PPP3CA: variants seen among roughly 807,000 people sequenced by gnomAD.
PPP3CA encodes the protein CAM-PRP catalytic subunit.
Under a neutral mutation model 66.5 loss-of-function variants are expected in PPP3CA, and 14 were observed. That is an observed-to-expected ratio of 0.21 (90% CI 0.14 to 0.33). The LOEUF (loss-of-function observed/expected upper bound fraction) is 0.33. Among genes scored for constraint, PPP3CA ranks in the 10% least tolerant of loss-of-function variants. The pLI is 1.00. For missense variants in PPP3CA, 317 were observed against 639.5 expected, an observed-to-expected ratio of 0.50 and a Z score of 5.44; for synonymous variants, 232 against 226.2, an observed-to-expected ratio of 1.03 and a Z score of -0.23.
intron 1 of PPP3CA, among the ~76,000 whole-genome samples, chr4:101,310,355 T>C (rs999578255): frequency 1.3e-5 from 2 of 152,186 alleles, no homozygotes; most frequent in African/African-American, 4.8e-5. Flanking sequence ...AAAAGAGTGA[T>C]ACTTGTATCT....
intron 1 of PPP3CA, among the ~76,000 whole-genome samples, chr4:101,247,093 T>C (rs1245573187): frequency 6.6e-6 from 1 of 152,136 alleles, no homozygotes; most frequent in East Asian, 1.9e-4. Context: ...TCCCTCAACA[T>C]AAAGTCTTTT....
chr4:101,080,653 A>G, intron 7 of PPP3CA, 27 bp from the exon 8 acceptor site: 1 of 1,334,786 alleles, frequency 7.5e-7, no homozygotes, highest in Non-Finnish European at 1.0e-6. Context: ...CAGTCAAAAC[A>G]AAGCTTGTAT....
At chr4:101,288,424 T>C (rs952829329) in intron 1 of PPP3CA, among the ~76,000 whole-genome samples, 10 of 152,056 alleles carry the variant, frequency 6.6e-5, no homozygotes, top group African/African-American at 2.4e-4. Context: ...GGAATACTAA[T>C]GTGGAATTAA....
intron 1 of PPP3CA, among the ~76,000 whole-genome samples, chr4:101,217,770 T>G (rs1725500239): frequency 6.6e-6 from 1 of 152,072 alleles, no homozygotes; most frequent in Non-Finnish European, 1.5e-5. Flanking sequence ...GGAACATATT[T>G]AAATCACGAA....
At chr4:101,093,684 T>C (rs1026049207) in intron 6 of PPP3CA, 92 bp downstream of exon 6, 2 of 1,272,750 alleles carry the variant, frequency 1.6e-6, no homozygotes, top group African/African-American at 1.5e-5. Context: ...AAAGAAGTAA[T>C]ACAAACATTA....
chr4:101,106,455 GA>G lies in PPP3CA; in HGVS notation c.384+2498del, dbSNP rs778496735. Reference sequence around the variant, plus strand: ...AAAGAAAGAAAGAAAGAAAGAAAGAGAAAAGAAAAGAAAAGAAAAGAAAAGA... The same window carrying G: ...AAAGAAAGAAAGAAAGAAAGAAAGAGAAAGAAAAGAAAAGAAAAGAAAAGA... On this transcript the variant is annotated intron_variant, in intron 3 of 13. Transcript: ENST00000394854. Among the ~76,000 whole-genome samples, 8 of 11,548 alleles carry G rather than the reference GA, an allele frequency of 6.9e-4. 2 individuals carry two copies. Among genetic ancestry groups the G allele is most frequent in the African/African-American group, 2.2e-3 (8 of 3,598 alleles). 7.6% of individuals were successfully genotyped at this position (11,548 alleles called of 152,430 possible).
chr4:101,227,430 G>A (rs1164323639), intron 1 of PPP3CA, among the ~76,000 whole-genome samples: 1 of 151,744 alleles, frequency 6.6e-6, no homozygotes, highest in East Asian at 1.9e-4. Flanking sequence ...TACAGGAGTT[G>A]AAAAGGAAAT....
intron 2 of PPP3CA, among the ~76,000 whole-genome samples, chr4:101,193,709 G>A (rs1724691459): frequency 1.3e-5 from 2 of 152,038 alleles, no homozygotes; most frequent in Admixed American, 6.6e-5. Flanking sequence ...GAATTTTTAG[G>A]GGAAAAAAAT....
At chr4:101,332,984 T>C (rs1161268248) in intron 1 of PPP3CA, among the ~76,000 whole-genome samples, 3 of 152,156 alleles carry the variant, frequency 2.0e-5, no homozygotes, top group Non-Finnish European at 4.4e-5. Context: ...AAAGACAGCT[T>C]AACTAGCTTA....
intron 2 of PPP3CA, among the ~76,000 whole-genome samples, chr4:101,116,313 C>T (rs1250169481): frequency 6.6e-6 from 1 of 151,824 alleles, no homozygotes; most frequent in Admixed American, 6.6e-5. Flanking sequence ...AGCCACAGTT[C>T]CCCAAGACAA....
chr4:101,200,788 A>G (rs184287711), intron 1 of PPP3CA, among the ~76,000 whole-genome samples: 37 of 152,296 alleles, frequency 2.4e-4, no homozygotes, highest in African/African-American at 8.7e-4. Context: ...ATACTAAATA[A>G]AAGGAAGTGA....
At chr4:101,151,743 G>A (rs545997244) in intron 2 of PPP3CA, among the ~76,000 whole-genome samples, 1 of 123,660 alleles carries the variant, frequency 8.1e-6, no homozygotes, top group African/African-American at 3.1e-5. Context: ...TGCAACCTCC[G>A]CCTTCCGGGT....
intron 1 of PPP3CA, among the ~76,000 whole-genome samples, chr4:101,207,548 G>A (rs1482086441): frequency 2.0e-5 from 3 of 152,132 alleles, no homozygotes; most frequent in Admixed American, 6.5e-5. Flanking sequence ...TAAAAACTAG[G>A]CTGGGCACAG....
rs979671295 is a variant in PPP3CA, at chr4:101,090,899, T to C, written c.782+2877A>G. 5.5e-4 allele frequency among the ~76,000 whole-genome samples: 55 copies of C among 100,062 alleles called. 2 individuals carry two copies. Among genetic ancestry groups the C allele is most frequent in the Non-Finnish European group, 1.0e-3 (49 of 48,982 alleles). The allele number at this position is 100,062 out of a possible 152,430, so 65.6% of individuals were successfully genotyped here. On this transcript the variant is annotated intron_variant, in intron 6 of 13. Transcript: ENST00000394854. ...GTCTATATTATAATATACACACATA[T>C]CTGTGTCTATATTATAATATACACA... is the stretch of plus-strand genomic sequence containing the variant.
chr4:101,247,004 G>T (rs996534054), intron 1 of PPP3CA, among the ~76,000 whole-genome samples: 2 of 152,044 alleles, frequency 1.3e-5, no homozygotes, highest in Non-Finnish European at 2.9e-5. Flanking sequence ...TACAACATAC[G>T]TACTTTCTTT....
At position 101,023,475 on chromosome 4, in the gene PPP3CA, G is replaced by T. The variant is rs1229352942; in HGVS notation, c.*2390C>A. The stretch of plus-strand genomic sequence containing the variant: ...TTATTTCTATGCCATAGTTGCCTCA[G>T]CACAATTTGTAAAAGAAAGGAATCC... On this transcript the variant is annotated 3_prime_UTR_variant, in exon 14 of 14. Transcript: ENST00000394854. 3.3e-5 allele frequency: 5 copies of T among 152,120 alleles called. No individual in the cohort carries two copies. The highest frequency in any genetic ancestry group is 1.2e-4 in the African/African-American group (5 of 41,418). 9.4% of individuals were successfully genotyped at this position (152,120 alleles called of 1,614,324 possible).
intron 2 of PPP3CA, among the ~76,000 whole-genome samples, chr4:101,183,534 G>T (rs1336407293): frequency 6.6e-6 from 1 of 152,108 alleles, no homozygotes; most frequent in African/African-American, 2.4e-5. Flanking sequence ...ACAGAATAGT[G>T]TGTTACAATG....
intron 2 of PPP3CA, among the ~76,000 whole-genome samples, chr4:101,163,213 G>C (rs995044308): frequency 6.6e-6 from 1 of 152,294 alleles, no homozygotes; most frequent in African/African-American, 2.4e-5. Context: ...CCAGTTCACA[G>C]TTTGCAGTAG....
chr4:101,306,871 T>C (rs1235865309), intron 1 of PPP3CA, among the ~76,000 whole-genome samples: 1 of 152,116 alleles, frequency 6.6e-6, no homozygotes, highest in Non-Finnish European at 1.5e-5. Flanking sequence ...TTAGTTAAGA[T>C]GTGAGAATTA....
Sources: allele counts gnomAD v4.1 joint callset (sites outside exome capture counted in the v4.1 genomes callset), GRCh38; gene constraint gnomAD v4.1.1; transcripts MANE v1.5; gene names NCBI Gene and HGNC (gene_info 2026-07-23, HGNC 2026-07-21).